Variants in ZNF846 observed in about 807,000 individuals in gnomAD.
ZNF846 encodes the protein zinc finger protein 846.
In ZNF846, 15 loss-of-function variants were observed where a neutral mutation model predicts 16.0. The observed-to-expected ratio is 0.94, with a 90% CI of 0.63 to 1.45. ZNF846 has a LOEUF of 1.45. ZNF846 is among the 40% of genes most tolerant of loss of function. ZNF846 has a pLI of 0.00. For missense variants in ZNF846, 714 were observed against 622.3 expected, an observed-to-expected ratio of 1.15 and a Z score of -1.57; for synonymous variants, 229 against 212.0, an observed-to-expected ratio of 1.08 and a Z score of -0.70.
chr19:9,781,031 T>A (rs2045496275), intron 1 of ZNF846, among the ~76,000 whole-genome samples: 1 of 152,238 alleles, frequency 6.6e-6, no homozygotes, highest in South Asian at 2.1e-4. Flanking sequence ...CTGACTTGGC[T>A]TCTGCATTCA....
At position 9,764,839 on chromosome 19, in the gene ZNF846, C is replaced by T. The variant is rs190616867; in HGVS notation, c.15+97G>A. 3.5e-6 allele frequency: 5 copies of T among 1,425,232 alleles called. No individual in the cohort carries two copies. The East Asian group carries it at 1.1e-4, about 32-fold the overall frequency. The allele number at this position is 1,425,232 out of a possible 1,614,324, so 88.3% of individuals were successfully genotyped here. A position where few individuals can be genotyped will look rare whatever the true frequency, so the allele number is the denominator to read the frequency against. ...GGAGTTATTTCCTGAGCAGGACCAT[C>T]ATTTCTTTAAGATGCTTGAATACAC... is the stretch of plus-strand genomic sequence containing the variant. On this transcript the variant is annotated intron_variant, in intron 2 of 5. Transcript: ENST00000397902.
chr19:9,767,232 T>C (rs1009165831), intron 1 of ZNF846, among the ~76,000 whole-genome samples: 2 of 151,654 alleles, frequency 1.3e-5, no homozygotes, highest in Non-Finnish European at 2.9e-5. Context: ...GCCTCCCGGG[T>C]TCAAGCGATT....
chr19:9,758,134 A>G lies in ZNF846; in HGVS notation c.943T>C (p.Cys315Arg), dbSNP rs1303248729. The G allele has an allele frequency of 1.9e-6, 3 of 1,613,594 alleles. No individual in the cohort carries two copies. The East Asian group carries it at 6.7e-5, about 36-fold the overall frequency. The change falls in exon 6 of 6, where the codon TGT becomes CGT. Residue 315 changes from cysteine to arginine, a missense_variant. Cys to Arg is a radical substitution (Grantham distance 180). Transcript: ENST00000397902. The stretch of plus-strand genomic sequence containing the variant: ...GTGGATCTAGTGAAGGCTTTTCCAC[A>G]TTCCATACATACATAGGGCTTCTTT...
downstream of ZNF846, among the ~76,000 whole-genome samples, chr19:9,749,891 C>T (rs370708077): frequency 7.4e-4 from 113 of 152,178 alleles, 1 homozygote; most frequent in South Asian, 0.021. Flanking sequence ...CATTAAAAAG[C>T]GGCCACACTT....
At chr19:9,768,466 C>A in exon 1 of ZNF846, 1 of 152,376 alleles carries the variant, frequency 6.6e-6, no homozygotes, top group Non-Finnish European at 1.5e-5. Flanking sequence ...TGGGCCAGGC[C>A]CAGACTGATG....
At chr19:9,775,719 G>C (rs763450856) in intron 1 of ZNF846, among the ~76,000 whole-genome samples, 2 of 152,192 alleles carry the variant, frequency 1.3e-5, no homozygotes, top group Admixed American at 6.6e-5. Context: ...GGCAGCAGTA[G>C]CTCACTTGGG....
intron 4 of ZNF846, among the ~76,000 whole-genome samples, chr19:9,760,587 G>A (rs2045209185): frequency 6.6e-6 from 1 of 150,928 alleles, no homozygotes; most frequent in Admixed American, 6.6e-5. Flanking sequence ...TGTAATCCCA[G>A]CTACTCAAGT....
chr19:9,763,235 A>G (rs1485573141), intron 3 of ZNF846, 47 bp downstream of exon 3: 3 of 1,501,320 alleles, frequency 2.0e-6, no homozygotes, highest in African/African-American at 2.8e-5. Flanking sequence ...CATTTAAGAA[A>G]CATTGATTTC....
At chr19:9,783,526 TAAA>T (rs1161223088) in intron 1 of ZNF846, among the ~76,000 whole-genome samples, 1,100 of 106,138 alleles carry the variant, frequency 0.01, 27 homozygotes, top group African/African-American at 0.037. Flanking sequence ...GTCTCATCAC[TAAA>T]AAAAAAAAAA....
upstream of ZNF846, among the ~76,000 whole-genome samples, chr19:9,769,310 G>A (rs2045368186): frequency 6.6e-6 from 1 of 152,108 alleles, no homozygotes; most frequent in Non-Finnish European, 1.5e-5. Flanking sequence ...TCGAACTCCT[G>A]AGCCTAAAGG....
upstream of ZNF846, among the ~76,000 whole-genome samples, chr19:9,772,471 G>A (rs149465764): frequency 6.1e-3 from 921 of 151,866 alleles, 6 homozygotes; most frequent in Middle Eastern, 0.02. Context: ...GTGGTGGCAC[G>A]CACCTGTAAT....
chr19:9,748,636 G>A (rs1045996795), downstream of ZNF846, among the ~76,000 whole-genome samples: 1 of 152,052 alleles, frequency 6.6e-6, no homozygotes. Flanking sequence ...TTGTTCCATT[G>A]GTCTATATCT....
At chr19:9,775,451 G>C (rs998332833) in intron 1 of ZNF846, among the ~76,000 whole-genome samples, 1 of 152,068 alleles carries the variant, frequency 6.6e-6, no homozygotes, top group African/African-American at 2.4e-5. Flanking sequence ...TCTAGAAATA[G>C]ATCCAGGAAC....
chr19:9,784,019 T>C (rs1019660615), intron 1 of ZNF846, among the ~76,000 whole-genome samples: 2 of 152,146 alleles, frequency 1.3e-5, no homozygotes, highest in Non-Finnish European at 2.9e-5. Context: ...TGGTGATTTT[T>C]TTTCCTAAAG....
chr19:9,757,689 G>C, exon 6 of ZNF846: 2 of 1,613,458 alleles, frequency 1.2e-6, no homozygotes, highest in Non-Finnish European at 1.7e-6. Context: ...ATTAAGATTT[G>C]TGGAACGAGC....
At chr19:9,775,947 T>C (rs1212176910) in intron 1 of ZNF846, among the ~76,000 whole-genome samples, 1 of 152,246 alleles carries the variant, frequency 6.6e-6, no homozygotes, top group Non-Finnish European at 1.5e-5. Flanking sequence ...TAATCCTTGC[T>C]CTATAATCAT....
At chr19:9,780,478 C>T (rs902927625) in intron 1 of ZNF846, among the ~76,000 whole-genome samples, 7 of 151,944 alleles carry the variant, frequency 4.6e-5, no homozygotes, top group Admixed American at 3.9e-4. Context: ...AAGATGGAGC[C>T]TTGCTCTATC....
At chr19:9,753,235 T>TATTTATTC (rs2045102558), downstream of ZNF846, among the ~76,000 whole-genome samples, 2 of 113,544 alleles carry the variant, frequency 1.8e-5, no homozygotes, top group Admixed American at 1.1e-4. Context: ...TTTATTTATT[T>TATTTATTC]ATTTATTTAT....
chr19:9,754,563 TTAAAAA>T (rs1263419990), downstream of ZNF846, among the ~76,000 whole-genome samples: 5 of 83,790 alleles, frequency 6.0e-5, no homozygotes, highest in African/African-American at 3.5e-4. Context: ...AGACTCTGTC[TTAAAAA>T]AAAAAAAAAA....
Sources: allele counts gnomAD v4.1 joint callset (sites outside exome capture counted in the v4.1 genomes callset), GRCh38; gene constraint gnomAD v4.1.1; transcripts MANE v1.5; gene names NCBI Gene and HGNC (gene_info 2026-07-23, HGNC 2026-07-21).